Variants in USP7 observed in about 807,000 individuals in gnomAD.
The protein encoded by USP7 is ubiquitin C-terminal hydrolase 7.
A neutral mutation model predicts 162.9 loss-of-function variants in USP7; 9 were observed. That is an observed-to-expected ratio of 0.06 (90% CI 0.03 to 0.10). USP7 has a LOEUF of 0.10. USP7 is among the 10% of genes least tolerant of loss of function. The probability of loss-of-function intolerance (pLI) is 1.00; values close to 1 mark genes in which losing one functional copy is unlikely to be tolerated. For missense variants in USP7, 715 were observed against 1,373.7 expected, an observed-to-expected ratio of 0.52 and a Z score of 7.58; for synonymous variants, 562 against 475.9, an observed-to-expected ratio of 1.18 and a Z score of -2.35.
chr16:8,956,981 A>C (rs1476519697), intron 1 of USP7, among the ~76,000 whole-genome samples: 2 of 152,042 alleles, frequency 1.3e-5, no homozygotes, highest in African/African-American at 4.8e-5. Flanking sequence ...TGCCCATCCC[A>C]TGCTGGGTTC....
intron 12 of USP7, among the ~76,000 whole-genome samples, chr16:8,907,577 C>T (rs546212823): frequency 2.0e-5 from 3 of 152,266 alleles, no homozygotes; most frequent in South Asian, 4.1e-4. Flanking sequence ...TACTTGTGGC[C>T]GGGTGTGGTG....
chr16:8,904,412 G>T lies in USP7; in HGVS notation c.1704+23C>A, dbSNP rs371361168. The T allele has an allele frequency of 1.4e-5, 22 of 1,612,146 alleles. No individual in the cohort carries two copies. In the African/African-American group the frequency reaches 2.7e-4, roughly 20 times the overall value. ...GTGCCCGGCTGCATGGTGACCCGGA[G>T]TCCCAGAAGGGCGGGGGCTGACCTG... On this transcript the variant is annotated intron_variant, in intron 15 of 30. Coordinates refer to ENST00000344836, the MANE Select transcript of USP7 (RefSeq NM_003470.3).
intron 1 of USP7, among the ~76,000 whole-genome samples, chr16:8,939,886 T>A (rs1898955585): frequency 6.6e-6 from 1 of 152,136 alleles, no homozygotes; most frequent in Non-Finnish European, 1.5e-5. Context: ...GATCACGAGG[T>A]CAGGAGATTG....
At chr16:8,908,522 G>T in intron 11 of USP7, 72 bp from the exon 12 acceptor site, 1 of 1,337,258 alleles carries the variant, frequency 7.5e-7, no homozygotes, top group African/African-American at 1.5e-5. Flanking sequence ...AGCAACAGCG[G>T]TTCAGCAAGA....
At chr16:8,932,894 T>C (rs1299825125) in intron 1 of USP7, among the ~76,000 whole-genome samples, 1 of 149,808 alleles carries the variant, frequency 6.7e-6, no homozygotes, top group South Asian at 2.1e-4. Flanking sequence ...ACTAACTGAA[T>C]AGGAAAAAAA....
intron 1 of USP7, among the ~76,000 whole-genome samples, chr16:8,941,715 G>C (rs1379278632): frequency 1.3e-5 from 2 of 152,316 alleles, no homozygotes; most frequent in Admixed American, 6.5e-5. Flanking sequence ...GGCAGAGCCA[G>C]GATCAGCTGT....
chr16:8,893,871 ATAAAAT>A lies in USP7; in HGVS notation c.*121_*126del, dbSNP rs1252623184. On this transcript the variant is annotated 3_prime_UTR_variant, in exon 31 of 31. Coordinates refer to ENST00000344836, the MANE Select transcript of USP7 (RefSeq NM_003470.3). ...AGCCAAACTGAACAGCCTCAATAAAATAAAATTAACACCAGCAGCGAATCCTCTTGC... is the reference window on the plus strand; with the variant it reads ...AGCCAAACTGAACAGCCTCAATAAAATAACACCAGCAGCGAATCCTCTTGC... 4.9e-6 allele frequency: 4 copies of A among 810,286 alleles called. No homozygotes were observed. Among genetic ancestry groups the A allele is most frequent in the Admixed American group, 2.2e-5 (1 of 45,494 alleles). The allele number at this position is 810,286 out of a possible 1,614,324, so 50.2% of individuals were successfully genotyped here. A position where few individuals can be genotyped will look rare whatever the true frequency, so the allele number is the denominator to read the frequency against.
At chr16:8,898,041 G>T (rs977113283) in intron 25 of USP7, among the ~76,000 whole-genome samples, 1 of 152,076 alleles carries the variant, frequency 6.6e-6, no homozygotes, top group African/African-American at 2.4e-5. Context: ...GACTCCCTGA[G>T]ATCAGGCCGC....
At chr16:8,955,930 G>A (rs1276223896) in intron 1 of USP7, among the ~76,000 whole-genome samples, 1 of 152,114 alleles carries the variant, frequency 6.6e-6, no homozygotes, top group Non-Finnish European at 1.5e-5. Context: ...CTGAAGTACT[G>A]TGAATGGGGT....
intron 29 of USP7, 40 bp from the exon 30 acceptor site, chr16:8,894,680 A>T (rs201798776): frequency 1.2e-6 from 2 of 1,611,656 alleles, no homozygotes; most frequent in East Asian, 4.5e-5. Context: ...TTATTTCTGT[A>T]TATCAGCAAA....
At chr16:8,894,434 G>A (rs576538417) in intron 30 of USP7, 116 bp downstream of exon 30, 32 of 962,602 alleles carry the variant, frequency 3.3e-5, no homozygotes, top group Non-Finnish European at 4.3e-5. Context: ...TCCACAGGTC[G>A]GCCAGTGGAG....
chr16:8,920,994 G>GT (rs775582509), intron 4 of USP7, among the ~76,000 whole-genome samples, 163 bp downstream of exon 4: 20 of 152,262 alleles, frequency 1.3e-4, no homozygotes, highest in Admixed American at 2.6e-4. Flanking sequence ...TGCTAAAAAC[G>GT]TAAGATACGA....
intron 1 of USP7, among the ~76,000 whole-genome samples, chr16:8,942,001 GCA>G (rs1183544930): frequency 6.6e-6 from 1 of 152,242 alleles, no homozygotes; most frequent in Non-Finnish European, 1.5e-5. Context: ...CAACTGGCAA[GCA>G]CAGAGTGGCA....
At chr16:8,962,833 C>A (rs554718513) in intron 1 of USP7, 62 of 156,752 alleles carry the variant, frequency 4.0e-4, no homozygotes, top group Non-Finnish European at 6.8e-4. Context: ...TCCCCAGCCA[C>A]ACCAGATCCA....
chr16:8,923,122 AATCAAAAGGCT>A, intron 3 of USP7, 82 bp downstream of exon 3: 1 of 926,492 alleles, frequency 1.1e-6, no homozygotes, highest in Non-Finnish European at 1.7e-6. Context: ...TCTAATTTAA[AATCAAAAGGCT>A]ATGTAGAGGC....
intron 29 of USP7, 24 bp downstream of exon 29, chr16:8,894,760 C>T (rs759900645): frequency 2.5e-6 from 4 of 1,614,242 alleles, no homozygotes; most frequent in Admixed American, 3.3e-5. Context: ...CCCGCCAAGC[C>T]CCCAGGAGGC....
chr16:8,960,762 C>G (rs1335591762), intron 1 of USP7, among the ~76,000 whole-genome samples: 3 of 152,204 alleles, frequency 2.0e-5, no homozygotes, highest in South Asian at 2.1e-4. Context: ...TTCTCTCACT[C>G]TTTCGGGTCC....
At chr16:8,896,069 G>T (rs1159506765) in intron 26 of USP7, among the ~76,000 whole-genome samples, 1 of 151,114 alleles carries the variant, frequency 6.6e-6, no homozygotes, top group Non-Finnish European at 1.5e-5. Context: ...TCGAACTCCT[G>T]ACCTCGTGAT....
chr16:8,938,735 G>A (rs1400204565), intron 1 of USP7, among the ~76,000 whole-genome samples: 2 of 151,768 alleles, frequency 1.3e-5, no homozygotes, highest in East Asian at 3.9e-4. Flanking sequence ...TGGGGGGACG[G>A]GGGAGTCTGT....
Sources: gnomAD v4.1 joint callset for allele counts (sites outside exome capture counted in the v4.1 genomes callset) on GRCh38, gnomAD v4.1.1 for gene constraint, MANE v1.5 for transcripts, NCBI Gene and HGNC (gene_info 2026-07-23, HGNC 2026-07-21) for gene names.